FER: variants seen among roughly 807,000 people sequenced by gnomAD.
FER encodes the protein tyrosine-protein kinase Fer.
FER carries 63 observed loss-of-function variants against 111.0 expected under a neutral mutation model. The observed-to-expected ratio is 0.57, with a 90% CI of 0.46 to 0.70. FER has a LOEUF of 0.70. Ranked by LOEUF, FER falls within the 30% of genes least tolerant of loss-of-function variation. The pLI is 0.00. For synonymous variants in FER, 327 were observed against 313.9 expected, an observed-to-expected ratio of 1.04 and a Z score of -0.44; for missense variants, 914 against 954.0, an observed-to-expected ratio of 0.96 and a Z score of 0.55.
At chr5:109,163,260 A>G (rs924493038) in intron 17 of FER, among the ~76,000 whole-genome samples, 2 of 152,042 alleles carry the variant, frequency 1.3e-5, no homozygotes, top group Admixed American at 1.3e-4. Context: ...CATTGTATGA[A>G]TATATTACAG....
chr5:109,184,408 A>G (rs1329809698), intron 18 of FER, among the ~76,000 whole-genome samples: 1 of 152,218 alleles, frequency 6.6e-6, no homozygotes, highest in Non-Finnish European at 1.5e-5. Flanking sequence ...CAAATGCTAT[A>G]CAATTGTAAG....
At chr5:108,929,504 T>G (rs1754260435) in intron 10 of FER, among the ~76,000 whole-genome samples, 1 of 152,190 alleles carries the variant, frequency 6.6e-6, no homozygotes, top group African/African-American at 2.4e-5. Context: ...TTGCATTATT[T>G]CACCCAAAGC....
chr5:108,913,287 T>G (rs1286894535), intron 10 of FER, among the ~76,000 whole-genome samples: 1 of 152,164 alleles, frequency 6.6e-6, no homozygotes, highest in Non-Finnish European at 1.5e-5. Context: ...CCATCAGCAT[T>G]TAGGTTGCAG....
chr5:109,156,250 T>A lies in FER; in HGVS notation c.2049-24497T>A, dbSNP rs184875912. Among the ~76,000 whole-genome samples, 1,179 of 151,928 alleles carry A rather than the reference T, an allele frequency of 7.8e-3. 12 individuals carry two copies. Among genetic ancestry groups the A allele is most frequent in the African/African-American group, 0.028 (1,142 of 41,462 alleles). On this transcript the variant is annotated intron_variant, in intron 17 of 19. Transcript: ENST00000281092. Reference sequence around the variant, plus strand: ...AGAGAGTTGCAGTATAATTAGACAGTAGTTGATAGATTTGAAAGGCCTTAA... The same window carrying A: ...AGAGAGTTGCAGTATAATTAGACAGAAGTTGATAGATTTGAAAGGCCTTAA...
intron 10 of FER, among the ~76,000 whole-genome samples, chr5:108,915,564 G>A (rs79766666): frequency 6.6e-6 from 1 of 151,626 alleles, no homozygotes; most frequent in Non-Finnish European, 1.5e-5. Flanking sequence ...TGGAGCCTGA[G>A]CGTTGTTCTT....
At chr5:108,879,630 T>A (rs1478954724) in intron 8 of FER, among the ~76,000 whole-genome samples, 1 of 149,172 alleles carries the variant, frequency 6.7e-6, no homozygotes, top group Non-Finnish European at 1.5e-5. Context: ...GGTTTTTTTT[T>A]ATTTTTAAGG....
chr5:108,762,418 G>T (rs944991806), intron 1 of FER, among the ~76,000 whole-genome samples: 1 of 151,982 alleles, frequency 6.6e-6, no homozygotes, highest in Non-Finnish European at 1.5e-5. Flanking sequence ...TATCATCCTG[G>T]TTCGGCAACA....
intron 17 of FER, among the ~76,000 whole-genome samples, chr5:109,164,464 T>C (rs1756327630): frequency 6.6e-6 from 1 of 152,232 alleles, no homozygotes. Context: ...CCATTTGTGC[T>C]GATACTGCTG....
chr5:109,064,794 T>C (rs537221756), intron 16 of FER, among the ~76,000 whole-genome samples: 2 of 152,274 alleles, frequency 1.3e-5, no homozygotes, highest in South Asian at 4.1e-4. Flanking sequence ...CCTTCACAAT[T>C]GAAAGTGTAG....
At chr5:109,047,947 GT>G (rs1057174240) in intron 16 of FER, among the ~76,000 whole-genome samples, 5 of 151,996 alleles carry the variant, frequency 3.3e-5, no homozygotes, top group South Asian at 2.1e-4. Context: ...ATGTTTTAAA[GT>G]TTTTTTCGTT....
intron 3 of FER, chr5:108,820,657 T>A: frequency 2.3e-6 from 1 of 426,378 alleles, no homozygotes; most frequent in Non-Finnish European, 3.1e-6. Context: ...GTAACTGAGC[T>A]AATGCAGCTC....
intron 13 of FER, among the ~76,000 whole-genome samples, chr5:108,967,755 G>T (rs1250195640): frequency 1.2e-5 from 1 of 80,788 alleles, no homozygotes; most frequent in East Asian, 3.6e-4. Context: ...GCGAGACTCC[G>T]TCTCAAAAAA....
chr5:108,921,358 A>G (rs1321118169), intron 10 of FER, among the ~76,000 whole-genome samples: 1 of 152,090 alleles, frequency 6.6e-6, no homozygotes, highest in East Asian at 1.9e-4. Flanking sequence ...GTATGTGTGT[A>G]TGTTTTTATT....
At chr5:108,927,459 C>T (rs1753942299) in intron 10 of FER, among the ~76,000 whole-genome samples, 1 of 151,666 alleles carries the variant, frequency 6.6e-6, no homozygotes, top group African/African-American at 2.4e-5. Flanking sequence ...ACGGGGTTCA[C>T]CTTGTTAGCC....
chr5:108,992,444 A>T (rs1456829728), intron 13 of FER, among the ~76,000 whole-genome samples: 1 of 146,030 alleles, frequency 6.8e-6, no homozygotes, highest in Non-Finnish European at 1.5e-5. Context: ...ACTTCCCAGT[A>T]GGGGCGGCAG....
intron 5 of FER, among the ~76,000 whole-genome samples, chr5:108,841,398 T>C (rs1475855473): frequency 6.6e-6 from 1 of 152,208 alleles, no homozygotes; most frequent in Admixed American, 6.5e-5. Context: ...TCCATAAAGC[T>C]TGTATCTGCA....
chr5:108,820,114 A>T, intron 3 of FER: 6 of 985,236 alleles, frequency 6.1e-6, no homozygotes, highest in Non-Finnish European at 7.2e-6. Context: ...CAGAATCCTA[A>T]CTATAGTTCA....
intron 13 of FER, among the ~76,000 whole-genome samples, chr5:109,036,571 T>G (rs73779105): frequency 0.052 from 7,935 of 152,060 alleles, 270 homozygotes; most frequent in South Asian, 0.11. Context: ...ACCTAACTCA[T>G]AAATAAAATA....
At position 109,187,496 on chromosome 5, in the gene FER, G is replaced by A. The variant is rs1376759830; in HGVS notation, c.2390G>A (p.Trp797Ter). 6.2e-7 allele frequency: 1 copy of A among 1,614,060 alleles called. No homozygotes were observed. The highest frequency in any genetic ancestry group is 8.5e-7 in the Non-Finnish European group (1 of 1,179,972). Residue 797 changes from tryptophan (W) to a stop codon, truncating the protein, a stop_gained, in exon 20 of 20, where the codon TGG (tryptophan) becomes TAG (stop). Coordinates refer to ENST00000281092, the MANE Select transcript of FER (RefSeq NM_005246.4). LOFTEE classifies it high-confidence loss of function. ...ATTTCCAAAATCATGATGAAGTGTT[G>A]GGATTATAAACCTGAAAATCGCCCT... The part of the protein sequence containing the change: ...EDISKIMMKC[W>*]DYKPENRPKF...
Sources: allele counts gnomAD v4.1 joint callset (sites outside exome capture counted in the v4.1 genomes callset), GRCh38; gene constraint gnomAD v4.1.1; transcripts MANE v1.5; gene names NCBI Gene and HGNC (gene_info 2026-07-23, HGNC 2026-07-21).